SRP68: variants seen among roughly 807,000 people sequenced by gnomAD.
SRP68 encodes the protein signal recognition particle 68, also known as signal recognition particle subunit SRP68.
A neutral mutation model predicts 82.2 loss-of-function variants in SRP68; 15 were observed. The ratio of observed to expected loss-of-function variants is 0.18; its 90% confidence interval spans 0.12 to 0.28. The LOEUF is 0.28. SRP68 is among the 10% of genes least tolerant of loss of function. SRP68 has a pLI of 1.00. For missense variants in SRP68, 595 were observed against 780.5 expected (o/e 0.76, Z 2.83); for synonymous variants, 261 against 292.6 (o/e 0.89, Z 1.10).
rs1555630552 is a variant in SRP68 at position 76,072,414 on chromosome 17, A to ACCGCCGCCGCCACTG, written c.63_77dup (p.Gly26_Gly30dup). The stretch of plus-strand genomic sequence containing the variant: ...CTCCGGCACCACGTCCACCGCCGCT[A>ACCGCCGCCGCCACTG]CCGCCGCCGCCACTGCCACCGCCGC... On this transcript the variant is annotated inframe_insertion, in exon 1 of 16. Coordinates refer to ENST00000307877, the MANE Select transcript of SRP68 (RefSeq NM_014230.4). This position sits in a 1 kb window ranked among gnomAD's most constrained non-coding sequence, Gnocchi z 4.5. 4 of 1,580,616 alleles carry ACCGCCGCCGCCACTG rather than the reference A, an allele frequency of 2.5e-6. No homozygotes were observed. Among genetic ancestry groups the ACCGCCGCCGCCACTG allele is most frequent in the Non-Finnish European group, 2.6e-6 (3 of 1,165,406 alleles).
intron 7 of SRP68, among the ~76,000 whole-genome samples, chr17:76,058,505 C>T (rs1336426720): frequency 6.6e-6 from 1 of 152,062 alleles, no homozygotes; most frequent in Non-Finnish European, 1.5e-5. Flanking sequence ...GTTATCCTTT[C>T]ACCTCAGCCT....
chr17:76,065,967 T>C (rs1351996797), intron 3 of SRP68, among the ~76,000 whole-genome samples: 2 of 151,446 alleles, frequency 1.3e-5, no homozygotes, highest in Non-Finnish European at 1.5e-5. Flanking sequence ...AAACAATACC[T>C]ATGTGAATGG....
At chr17:76,053,909 C>T (rs186007506) in intron 8 of SRP68, among the ~76,000 whole-genome samples, 48 of 152,334 alleles carry the variant, frequency 3.2e-4, no homozygotes, top group African/African-American at 1.1e-3. Context: ...GGCAGGATTC[C>T]TGGCCACCTG....
intron 1 of SRP68, among the ~76,000 whole-genome samples, 159 bp from the exon 2 acceptor site, chr17:76,070,603 G>A (rs2144535895): frequency 6.6e-6 from 1 of 152,258 alleles, no homozygotes; most frequent in Non-Finnish European, 1.5e-5. Flanking sequence ...CACTGTGGGA[G>A]GCCGAGGCGG....
chr17:76,061,969 T>C (rs1222130312), intron 4 of SRP68, among the ~76,000 whole-genome samples: 1 of 150,906 alleles, frequency 6.6e-6, no homozygotes, highest in Admixed American at 6.6e-5. Context: ...CAAGATCTCA[T>C]CTCTACCAAA....
At chr17:76,066,621 T>C (rs1294945608) in intron 3 of SRP68, among the ~76,000 whole-genome samples, 2 of 151,702 alleles carry the variant, frequency 1.3e-5, no homozygotes, top group African/African-American at 4.8e-5. Context: ...TTTTTTTTTT[T>C]TTTGGTTTTA....
At chr17:76,059,349 C>T (rs1203990522) in intron 7 of SRP68, among the ~76,000 whole-genome samples, 1 of 152,026 alleles carries the variant, frequency 6.6e-6, no homozygotes, top group East Asian at 1.9e-4. Context: ...TTGAGACTAT[C>T]CTGGCCAACA....
intron 6 of SRP68, chr17:76,060,831 C>T: frequency 2.4e-6 from 1 of 410,944 alleles, no homozygotes; most frequent in Non-Finnish European, 4.4e-6. Context: ...CCTAAAACTG[C>T]TCTAAAACAG....
chr17:76,060,447 C>T, intron 6 of SRP68, 57 bp from the exon 7 acceptor site: 1 of 1,269,720 alleles, frequency 7.9e-7, no homozygotes, highest in Non-Finnish European at 1.1e-6. Context: ...TTGAGAATCA[C>T]TAGATTCAAC....
Position 76,043,964 on chromosome 17 carries a change from G to T in SRP68, c.1395-6C>A. The T allele has an allele frequency of 6.3e-7, 1 of 1,598,590 alleles. No individual in the cohort carries two copies. Among genetic ancestry groups the T allele is most frequent in the South Asian group, 1.1e-5 (1 of 87,878 alleles). On this transcript the variant is annotated splice_region_variant and splice_polypyrimidine_tract_variant and intron_variant, in intron 12 of 15. Coordinates refer to ENST00000307877, the MANE Select transcript of SRP68 (RefSeq NM_014230.4). ...ACTGAGCAATGAAAAAACACCTGATGGGGAGGGAAAAGAGCCACAATATTC... is the reference window on the plus strand; with the variant it reads ...ACTGAGCAATGAAAAAACACCTGATTGGGAGGGAAAAGAGCCACAATATTC...
intron 11 of SRP68, 28 bp downstream of exon 11, chr17:76,046,010 C>T: frequency 6.2e-7 from 1 of 1,612,974 alleles, no homozygotes; most frequent in Non-Finnish European, 8.5e-7. Flanking sequence ...AACCACAGGC[C>T]CTTGCCTTCC....
At chr17:76,053,686 T>A (rs900660146) in intron 8 of SRP68, 1 of 980,130 alleles carries the variant, frequency 1.0e-6, no homozygotes, top group Admixed American at 6.2e-5. Flanking sequence ...AAGTCAGTTG[T>A]GTTTTTCTTA....
Position 76,062,728 on chromosome 17 carries a change from T to TAATATATAATATACA in SRP68, c.562-1155_562-1154insTGTATATTATATATT, listed in dbSNP as rs1567935176. On this transcript the variant is annotated intron_variant, in intron 4 of 15. Transcript: ENST00000307877. ...ATATTATACAATATATTATATTTATTTTATATATATATATATATATATATA... is the reference window on the plus strand; with the variant it reads ...ATATTATACAATATATTATATTTATTAATATATAATATACATTATATATATATATATATATATATA... Among the ~76,000 whole-genome samples the TAATATATAATATACA allele has an allele frequency of 3.3e-4, 5 of 15,156 alleles. 2 individuals carry two copies. The African/African-American group carries it at 4.1e-3, about 12-fold the overall frequency. The allele number at this position is 15,156 out of a possible 152,430, so 9.9% of individuals were successfully genotyped here.
chr17:76,061,062 A>G (rs1397559368), intron 6 of SRP68, 48 bp downstream of exon 6: 2 of 1,135,746 alleles, frequency 1.8e-6, no homozygotes, highest in African/African-American at 3.1e-5. Context: ...CCAATAGGCC[A>G]TCTATCAATG....
intron 7 of SRP68, among the ~76,000 whole-genome samples, 168 bp downstream of exon 7, chr17:76,060,140 A>AAG (rs1190785895): frequency 6.7e-6 from 1 of 150,200 alleles, no homozygotes; most frequent in Non-Finnish European, 1.5e-5. Context: ...AAAAAAAAAA[A>AAG]AAAAAAAAAA....
intron 9 of SRP68, 164 bp from the exon 10 acceptor site, chr17:76,048,134 A>C: frequency 2.8e-6 from 1 of 353,152 alleles, no homozygotes; most frequent in Non-Finnish European, 5.3e-6. Context: ...ATAATCTAGA[A>C]TGACAGTGGC....
intron 8 of SRP68, among the ~76,000 whole-genome samples, chr17:76,051,993 C>T (rs1256353163): frequency 2.0e-5 from 3 of 152,156 alleles, no homozygotes; most frequent in Middle Eastern, 3.2e-3. Context: ...CTGTAACCAC[C>T]GCCTCCTGGG....
rs2066576411 is a variant in SRP68 at position 76,039,911 on chromosome 17, G to A, written c.1679C>T (p.Thr560Ile). Reference protein sequence around the residue: ...DNKPLVERFETFCLDPSLVTK... With the variant: ...DNKPLVERFEIFCLDPSLVTK... ...GACAAGGGAAGGGTCCAGGCAGAAT[G>A]TCTCAAACCGTTCAACCAGAGGCTG... is the stretch of plus-strand genomic sequence containing the variant. The change falls in exon 16 of 16, where the codon ACA becomes ATA. Residue 560 changes from threonine to isoleucine, a missense_variant. Thr to Ile is a moderately conservative substitution (Grantham distance 89). Transcript: ENST00000307877. 6.2e-7 allele frequency: 1 copy of A among 1,614,110 alleles called. No homozygotes were observed. The highest frequency in any genetic ancestry group is 8.5e-7 in the Non-Finnish European group (1 of 1,180,042).
Position 76,060,406 on chromosome 17 carries a change from A to C in SRP68, c.755-16T>G. Reference sequence around the variant, plus strand: ...GACTGGTCCCCTAAGAGAGAAAGACAGGAAAATCTTCAAGGGTCTGGTCTG... The same window carrying C: ...GACTGGTCCCCTAAGAGAGAAAGACCGGAAAATCTTCAAGGGTCTGGTCTG... On this transcript the variant is annotated splice_polypyrimidine_tract_variant and intron_variant, in intron 6 of 15. Coordinates refer to ENST00000307877, the MANE Select transcript of SRP68 (RefSeq NM_014230.4). The C allele has an allele frequency of 6.2e-7, 1 of 1,601,986 alleles. No homozygotes were observed. The highest frequency in any genetic ancestry group is 8.5e-7 in the Non-Finnish European group (1 of 1,169,946).
Sources: allele counts gnomAD v4.1 joint callset (sites outside exome capture counted in the v4.1 genomes callset), GRCh38; gene constraint gnomAD v4.1.1; non-coding constraint Gnocchi (gnomAD v3.1); transcripts MANE v1.5; gene names NCBI Gene and HGNC (gene_info 2026-07-23, HGNC 2026-07-21).